Variants in CNTNAP2 observed in about 807,000 individuals in gnomAD.
CNTNAP2 encodes the protein contactin-associated protein-like 2.
A neutral mutation model predicts 155.2 loss-of-function variants in CNTNAP2; 98 were observed. The ratio of observed to expected loss-of-function variants is 0.63; its 90% CI spans 0.54 to 0.75. The LOEUF is 0.75. CNTNAP2 is among the 30% of genes least tolerant of loss of function. The probability of loss-of-function intolerance (pLI) is 0.00; values close to 1 mark genes in which losing one functional copy is unlikely to be tolerated. For missense variants in CNTNAP2, 1,727 were observed against 1,688.1 expected (o/e 1.02, Z -0.40); for synonymous variants, 651 against 631.2 (o/e 1.03, Z -0.47).
At chr7:147,493,836 GTA>G (rs1431904452) in intron 11 of CNTNAP2, among the ~76,000 whole-genome samples, 2 of 152,090 alleles carry the variant, frequency 1.3e-5, no homozygotes, top group African/African-American at 4.8e-5. Context: ...TTTTCAGATT[GTA>G]TATTCAGAGG....
chr7:148,006,854 T>C (rs1348796529), intron 15 of CNTNAP2, among the ~76,000 whole-genome samples: 1 of 152,256 alleles, frequency 6.6e-6, no homozygotes, highest in Non-Finnish European at 1.5e-5. Flanking sequence ...TCAAGTGAGA[T>C]ATTCACAGTA....
intron 21 of CNTNAP2, among the ~76,000 whole-genome samples, chr7:148,285,259 G>A (rs1319347653): frequency 6.6e-6 from 1 of 152,208 alleles, no homozygotes; most frequent in African/African-American, 2.4e-5. Context: ...ACAATAAAGT[G>A]TATTTATCTA....
At chr7:147,964,138 C>T (rs1290188342) in intron 14 of CNTNAP2, among the ~76,000 whole-genome samples, 2 of 152,090 alleles carry the variant, frequency 1.3e-5, no homozygotes, top group Non-Finnish European at 2.9e-5. Context: ...AGGTTCCTTT[C>T]TCCACTTTAG....
chr7:146,467,147 A>C (rs1796727940), intron 1 of CNTNAP2, among the ~76,000 whole-genome samples: 1 of 152,158 alleles, frequency 6.6e-6, no homozygotes, highest in Non-Finnish European at 1.5e-5. Flanking sequence ...TATGAACTCT[A>C]TCATATTTGA....
At chr7:147,668,945 C>T (rs1795743001) in intron 13 of CNTNAP2, among the ~76,000 whole-genome samples, 1 of 151,700 alleles carries the variant, frequency 6.6e-6, no homozygotes, top group Non-Finnish European at 1.5e-5. Context: ...GTTAAGTGCC[C>T]TATATAGGTG....
chr7:147,172,714 A>T (rs550304299), intron 8 of CNTNAP2, among the ~76,000 whole-genome samples: 3 of 152,260 alleles, frequency 2.0e-5, no homozygotes, highest in African/African-American at 7.2e-5. Context: ...TAAAAACAGA[A>T]TTAGAAAGAT....
intron 9 of CNTNAP2, among the ~76,000 whole-genome samples, chr7:147,394,521 G>A (rs573596458): frequency 4.2e-4 from 64 of 152,110 alleles, no homozygotes; most frequent in Non-Finnish European, 5.3e-4. Context: ...AATTAGTACA[G>A]TTTAAATTTG....
chr7:148,417,816 T>C lies in CNTNAP2; in HGVS notation c.*2200T>C, dbSNP rs1480958586. 2 of 152,230 alleles carry C rather than the reference T, an allele frequency of 1.3e-5. No individual in the cohort carries two copies. The highest frequency in any genetic ancestry group is 4.1e-4 in the South Asian group (2 of 4,828). 9.4% of individuals were successfully genotyped at this position (152,230 alleles called of 1,614,324 possible). On this transcript the variant is annotated 3_prime_UTR_variant, in exon 24 of 24. Transcript: ENST00000361727. ...ATGCATTGTCTCAACACTTTCCCTTTTTTCCCAAAATGAGTAGAGAATTAA... is the reference window on the plus strand; with the variant it reads ...ATGCATTGTCTCAACACTTTCCCTTCTTTCCCAAAATGAGTAGAGAATTAA...
intron 10 of CNTNAP2, among the ~76,000 whole-genome samples, chr7:147,453,404 G>A (rs1797866661): frequency 6.6e-6 from 1 of 152,132 alleles, no homozygotes; most frequent in Non-Finnish European, 1.5e-5. Context: ...TGTTGCTGTA[G>A]TGATAGGTGG....
chr7:146,594,499 G>A (rs1798830332), intron 1 of CNTNAP2, among the ~76,000 whole-genome samples: 1 of 151,422 alleles, frequency 6.6e-6, no homozygotes, highest in South Asian at 2.1e-4. Context: ...ATACATTTTG[G>A]TATATTTGGA....
intron 13 of CNTNAP2, among the ~76,000 whole-genome samples, chr7:147,718,331 C>T (rs1796512772): frequency 6.6e-6 from 1 of 152,022 alleles, no homozygotes; most frequent in Non-Finnish European, 1.5e-5. Flanking sequence ...GTAACTGTAG[C>T]TATTTTTATA....
At chr7:147,610,479 C>A (rs1235742958) in intron 12 of CNTNAP2, among the ~76,000 whole-genome samples, 2 of 152,230 alleles carry the variant, frequency 1.3e-5, no homozygotes, top group African/African-American at 4.8e-5. Flanking sequence ...TCTCCAGGTG[C>A]CCTCAGTTTG....
intron 9 of CNTNAP2, among the ~76,000 whole-genome samples, chr7:147,368,535 A>G (rs1796285361): frequency 6.6e-6 from 1 of 151,956 alleles, no homozygotes; most frequent in African/African-American, 2.4e-5. Flanking sequence ...ATAATGAAAC[A>G]CTCCCACTGC....
At chr7:146,614,585 A>C (rs1799193521) in intron 1 of CNTNAP2, among the ~76,000 whole-genome samples, 1 of 152,144 alleles carries the variant, frequency 6.6e-6, no homozygotes, top group African/African-American at 2.4e-5. Context: ...TAATTATATC[A>C]CCATCCAGCT....
At chr7:147,178,823 A>C (rs1257653823) in intron 8 of CNTNAP2, among the ~76,000 whole-genome samples, 1 of 152,224 alleles carries the variant, frequency 6.6e-6, no homozygotes, top group Non-Finnish European at 1.5e-5. Context: ...TTGAAAAAAC[A>C]AAAACCGTTG....
intron 1 of CNTNAP2, among the ~76,000 whole-genome samples, chr7:146,394,588 G>A (rs980227003): frequency 6.6e-6 from 1 of 152,064 alleles, no homozygotes; most frequent in Non-Finnish European, 1.5e-5. Context: ...GTTAAAGGAG[G>A]CAAACTGAGA....
chr7:148,152,574 G>A (rs1157552199), intron 17 of CNTNAP2, among the ~76,000 whole-genome samples: 2 of 152,142 alleles, frequency 1.3e-5, no homozygotes, highest in East Asian at 1.9e-4. Flanking sequence ...GAGCATTAAG[G>A]GATTCTAGAA....
chr7:147,751,226 CT>C lies in CNTNAP2; in HGVS notation c.2098+111921del, dbSNP rs368407121. Reference sequence around the variant, plus strand: ...TTATAAAATAATTATCTGAAACCTTCTGTACTTTTAAGAACATAAAATGATC... The same window carrying C: ...TTATAAAATAATTATCTGAAACCTTCGTACTTTTAAGAACATAAAATGATC... On this transcript the variant is annotated intron_variant, in intron 13 of 23. Coordinates refer to ENST00000361727, the MANE Select transcript of CNTNAP2 (RefSeq NM_014141.6). Among the ~76,000 whole-genome samples the C allele has an allele frequency of 7.8e-3, 1,184 of 151,510 alleles. 10 individuals carry two copies. Among genetic ancestry groups the C allele is most frequent in the African/African-American group, 0.027 (1,137 of 41,402 alleles).
chr7:146,827,395 C>G (rs945730389), intron 2 of CNTNAP2, among the ~76,000 whole-genome samples: 1 of 151,926 alleles, frequency 6.6e-6, no homozygotes, highest in African/African-American at 2.4e-5. Context: ...ACCTATATCA[C>G]TATTGTATGT....
Sources: allele counts gnomAD v4.1 joint callset (sites outside exome capture counted in the v4.1 genomes callset), GRCh38; gene constraint gnomAD v4.1.1; transcripts MANE v1.5; gene names NCBI Gene and HGNC (gene_info 2026-07-23, HGNC 2026-07-21).